Variants in CYP20A1 observed in about 807,000 individuals in gnomAD.
The protein encoded by CYP20A1 is cytochrome P450 20A1.
In CYP20A1, 61 loss-of-function variants were observed where a neutral mutation model predicts 61.4. The ratio of observed to expected loss-of-function variants is 0.99; its 90% CI spans 0.81 to 1.23. The LOEUF (loss-of-function observed/expected upper bound fraction) is 1.23. Among genes scored for constraint, CYP20A1 ranks in the 50% most tolerant of loss-of-function variants. The pLI, the probability that CYP20A1 is intolerant of heterozygous loss-of-function variation, is 0.00. For missense variants in CYP20A1, 530 were observed against 542.4 expected, an observed-to-expected ratio of 0.98 and a Z score of 0.23; for synonymous variants, 193 against 188.2, an observed-to-expected ratio of 1.03 and a Z score of -0.21.
intron 11 of CYP20A1, among the ~76,000 whole-genome samples, chr2:203,294,751 C>T (rs1254655069): frequency 1.3e-4 from 20 of 150,784 alleles, no homozygotes; most frequent in Admixed American, 1.3e-3. Flanking sequence ...TCTCCTGCCT[C>T]AGCCTCCCAA....
intron 9 of CYP20A1, 114 bp downstream of exon 9, chr2:203,285,846 T>C: frequency 1.1e-6 from 1 of 900,744 alleles, no homozygotes. Context: ...GGACTTAAAG[T>C]ATTTATATGT....
chr2:203,254,431 G>A (rs796275290), intron 4 of CYP20A1, among the ~76,000 whole-genome samples: 34 of 151,952 alleles, frequency 2.2e-4, no homozygotes, highest in African/African-American at 8.0e-4. Flanking sequence ...TGTAGTCCTA[G>A]CTACTCGGGA....
chr2:203,240,167 A>G (rs1436711992), intron 1 of CYP20A1, among the ~76,000 whole-genome samples: 1 of 152,238 alleles, frequency 6.6e-6, no homozygotes, highest in African/African-American at 2.4e-5. Context: ...GTGAAAGTTG[A>G]AAAGTAGCTG....
At chr2:203,284,912 A>G (rs1185606777) in intron 8 of CYP20A1, among the ~76,000 whole-genome samples, 1 of 151,642 alleles carries the variant, frequency 6.6e-6, no homozygotes, top group Non-Finnish European at 1.5e-5. Context: ...CACCCAGCTG[A>G]TTTTTGAGTT....
Position 203,246,838 on chromosome 2 carries a change from TCTC to T in CYP20A1, c.209_211del (p.Ser70del), listed in dbSNP as rs777064376. On this transcript the variant is annotated inframe_deletion, in exon 3 of 13. Coordinates refer to ENST00000356079, the MANE Select transcript of CYP20A1 (RefSeq NM_177538.3). ...TTGCATGAGAGATATGGGCCTGTGG[TCTC>T]CTTCTGGTTTGGCAGGCGCCTCGTG... The T allele has an allele frequency of 6.2e-7, 1 of 1,614,140 alleles. No homozygotes were observed. The highest frequency in any genetic ancestry group is 8.5e-7 in the Non-Finnish European group (1 of 1,180,006).
At chr2:203,288,023 T>C (rs2068361949) in intron 9 of CYP20A1, among the ~76,000 whole-genome samples, 2 of 150,472 alleles carry the variant, frequency 1.3e-5, no homozygotes, top group Admixed American at 6.7e-5. Flanking sequence ...GTTGTTGTTG[T>C]TGTTTGCAGG....
intron 8 of CYP20A1, among the ~76,000 whole-genome samples, chr2:203,282,503 G>T (rs1293689248): frequency 6.6e-6 from 1 of 151,994 alleles, no homozygotes; most frequent in Non-Finnish European, 1.5e-5. Context: ...TAAAATCCTT[G>T]TTTTTAAAAC....
chr2:203,281,208 TAAAG>T (rs1229715936), intron 8 of CYP20A1, among the ~76,000 whole-genome samples: 1 of 152,084 alleles, frequency 6.6e-6, no homozygotes, highest in Non-Finnish European at 1.5e-5. Context: ...TAAAAATACT[TAAAG>T]GAAGTATTAG....
Position 203,291,394 on chromosome 2 carries a change from T to C in CYP20A1, c.1084-868T>C, listed in dbSNP as rs960792831. ...AGGCATTTTATACTTCTAGCAACAA[T>C]GTATGAGAATGTTTTTTCTTTCCAA... On this transcript the variant is annotated intron_variant, in intron 10 of 12. Coordinates refer to ENST00000356079, the MANE Select transcript of CYP20A1 (RefSeq NM_177538.3). Among the ~76,000 whole-genome samples, 7 of 152,334 alleles carry C rather than the reference T, an allele frequency of 4.6e-5. 1 individual carries two copies. In the East Asian group the frequency reaches 1.4e-3, roughly 29 times the overall value.
chr2:203,274,976 T>C (rs1481022189), intron 6 of CYP20A1, among the ~76,000 whole-genome samples: 1 of 152,234 alleles, frequency 6.6e-6, no homozygotes. Context: ...ATTTGAGCTT[T>C]TATTAGAAAT....
At chr2:203,288,215 A>G (rs2068379513) in intron 9 of CYP20A1, among the ~76,000 whole-genome samples, 1 of 150,284 alleles carries the variant, frequency 6.7e-6, no homozygotes, top group African/African-American at 2.4e-5. Context: ...ACAGGCATGC[A>G]CCACCACACC....
chr2:203,295,180 C>T (rs563013038), intron 11 of CYP20A1, among the ~76,000 whole-genome samples: 75 of 150,588 alleles, frequency 5.0e-4, no homozygotes, highest in African/African-American at 1.7e-3. Context: ...CTCCTGACTT[C>T]GTGATCCGCC....
chr2:203,241,501 G>A (rs577347959), intron 1 of CYP20A1, among the ~76,000 whole-genome samples: 120 of 152,306 alleles, frequency 7.9e-4, no homozygotes, highest in Admixed American at 1.8e-3. Context: ...AATGTTAATG[G>A]TTGAGGAGAG....
chr2:203,267,865 G>A (rs770281268), intron 5 of CYP20A1, among the ~76,000 whole-genome samples: 1 of 150,770 alleles, frequency 6.6e-6, no homozygotes, highest in South Asian at 2.1e-4. Flanking sequence ...AAAAAAGAGC[G>A]ATCTCACCGC....
intron 1 of CYP20A1, among the ~76,000 whole-genome samples, chr2:203,242,176 G>A (rs1393437735): frequency 6.6e-6 from 1 of 151,816 alleles, no homozygotes; most frequent in African/African-American, 2.4e-5. Context: ...TATAGAAATG[G>A]GGTCCTGCTT....
Position 203,252,058 on chromosome 2 carries a change from T to C in CYP20A1, c.381T>C (p.Tyr127=). The change falls in exon 4 of 13, where the codon TAT becomes TAC. Residue 127 remains tyrosine, a synonymous_variant. Transcript: ENST00000356079. ...VSENHMRKKL[Y]ENGVTDSLKS... is the part of the protein sequence containing the mutation. ...AAAACCACATGAGGAAAAAATTGTA[T>C]GAAAATGGTGTGACTGATTCTCTGA... is the stretch of plus-strand genomic sequence containing the variant. 1 of 1,610,258 alleles carries C rather than the reference T, an allele frequency of 6.2e-7. No homozygotes were observed.
intron 8 of CYP20A1, among the ~76,000 whole-genome samples, chr2:203,283,344 G>A (rs1350647894): frequency 2.1e-5 from 3 of 145,806 alleles, no homozygotes; most frequent in Non-Finnish European, 4.5e-5. Flanking sequence ...AGCCTCCCAA[G>A]TAGCTGGGAC....
rs781023878 is a variant in CYP20A1 at position 203,239,057 on chromosome 2, A to G, written c.-6A>G. ...TCCGAGACGTGGCTCCCTGGGCGGCAGAACCATGTTGGACTTCGCGATCTT... is the reference window on the plus strand; with the variant it reads ...TCCGAGACGTGGCTCCCTGGGCGGCGGAACCATGTTGGACTTCGCGATCTT... On this transcript the variant is annotated 5_prime_UTR_variant, in exon 1 of 13. Transcript: ENST00000356079. The G allele has an allele frequency of 2.7e-5, 43 of 1,613,478 alleles. No homozygotes were observed. The Middle Eastern group carries it at 8.2e-4, about 31-fold the overall frequency.
At chr2:203,239,206 C>G in intron 1 of CYP20A1, 72 bp downstream of exon 1, 1 of 1,329,506 alleles carries the variant, frequency 7.5e-7, no homozygotes. Context: ...TCCAGGCCAA[C>G]CTGCCCGCTG....
Sources: allele counts gnomAD v4.1 joint callset (sites outside exome capture counted in the v4.1 genomes callset), GRCh38; gene constraint gnomAD v4.1.1; transcripts MANE v1.5; gene names NCBI Gene and HGNC (gene_info 2026-07-23, HGNC 2026-07-21).